KRT36: variants seen among roughly 807,000 people sequenced by gnomAD.
The protein encoded by KRT36 is keratin, type I cuticular Ha6.
Under a neutral mutation model 43.0 loss-of-function variants are expected in KRT36, and 41 were observed. The ratio of observed to expected loss-of-function variants is 0.95; its 90% confidence interval spans 0.74 to 1.24. KRT36 has a LOEUF of 1.24. KRT36 is among the 50% of genes most tolerant of loss of function. The probability of loss-of-function intolerance (pLI) is 0.00; values close to 1 mark genes in which losing one functional copy is unlikely to be tolerated. For synonymous variants in KRT36, 277 were observed against 252.9 expected (o/e 1.10, Z -0.90); for missense variants, 627 against 595.3 (o/e 1.05, Z -0.55).
chr17:41,487,213 C>T (rs1331853999), intron 5 of KRT36, 43 bp from the exon 6 acceptor site: 4 of 1,591,426 alleles, frequency 2.5e-6, no homozygotes, highest in Non-Finnish European at 3.4e-6. Context: ...GGGAGGAATC[C>T]CCTGACCCCA....
In KRT36 at chr17:41,486,526, T is replaced by C; in HGVS notation, c.1254A>G (p.Arg418=). The C allele has an allele frequency of 6.2e-7, 1 of 1,604,460 alleles. No individual in the cohort carries two copies. Among genetic ancestry groups the C allele is most frequent in the Non-Finnish European group, 8.5e-7 (1 of 1,175,998 alleles). The change falls in exon 7 of 7, where the codon AGA becomes AGG. Residue 418 remains arginine (R), a synonymous_variant. Coordinates refer to ENST00000328119, the MANE Select transcript of KRT36 (RefSeq NM_003771.5). ...PCATACKPVI[R]VPSVPPVPCV... is the part of the protein sequence containing the mutation. ...AGGGCACCGGGGGGACAGAAGGAACTCTAATAACAGGCTTGCATGCCGTGG... is the reference window on the plus strand; with the variant it reads ...AGGGCACCGGGGGGACAGAAGGAACCCTAATAACAGGCTTGCATGCCGTGG...
chr17:41,488,564 C>T, intron 2 of KRT36, 78 bp downstream of exon 2: 1 of 1,532,720 alleles, frequency 6.5e-7, no homozygotes, highest in Non-Finnish European at 9.0e-7. Flanking sequence ...GCCTTATTCC[C>T]ACATCACCAG....
At position 41,487,672 on chromosome 17, in the gene KRT36, T is replaced by C. The variant is rs369819388; in HGVS notation, c.765A>G (p.Pro255=). Residue 255 remains proline (P), a synonymous_variant, in exon 4 of 7, where the codon CCA becomes CCG. Coordinates refer to ENST00000328119, the MANE Select transcript of KRT36 (RefSeq NM_003771.5). ...RLNVEVDAAP[P]VDLNKILEDM... ...CCTCCAGGATCTTGTTGAGATCCAC[T>C]GGGGGAGCAGCGTCCACCTCCACAT... The C allele has an allele frequency of 1.9e-6, 3 of 1,614,022 alleles. No homozygotes were observed. Among genetic ancestry groups the C allele is most frequent in the Non-Finnish European group, 2.5e-6 (3 of 1,180,004 alleles).
Position 41,486,428 on chromosome 17 carries a change from C to T in KRT36, c.1352G>A (p.Arg451Lys), listed in dbSNP as rs1367979651. Residue 451 changes from arginine (R) to lysine (K), a missense_variant, in exon 7 of 7, where the codon AGA becomes AAA. Coordinates refer to ENST00000328119, the MANE Select transcript of KRT36 (RefSeq NM_003771.5). Reference protein sequence around the residue: ...TQIRTITEEIRDGKVISSREH... With the variant: ...TQIRTITEEIKDGKVISSREH... ...CCTGGAGGAGATGACTTTCCCATCTCTGATCTCCTCGGTGATGGTGCGGAT... is the reference window on the plus strand; with the variant it reads ...CCTGGAGGAGATGACTTTCCCATCTTTGATCTCCTCGGTGATGGTGCGGAT... 1 of 1,614,122 alleles carries T rather than the reference C, an allele frequency of 6.2e-7. No individual in the cohort carries two copies. Among genetic ancestry groups the T allele is most frequent in the South Asian group, 1.1e-5 (1 of 91,080 alleles).
chr17:41,486,608 C>G, intron 6 of KRT36, 37 bp from the exon 7 acceptor site: 1 of 1,461,900 alleles, frequency 6.8e-7, no homozygotes, highest in Non-Finnish European at 9.2e-7. Context: ...CATTTGGCAT[C>G]GGAGCACTGG....
chr17:41,489,502 C>T lies in KRT36; in HGVS notation c.363G>A (p.Leu121=). 2 of 1,614,240 alleles carry T rather than the reference C, an allele frequency of 1.2e-6. No homozygotes were observed. Among genetic ancestry groups the T allele is most frequent in the Non-Finnish European group, 1.7e-6 (2 of 1,180,046 alleles). The change falls in exon 1 of 7, where the codon CTG becomes CTA. Residue 121 remains leucine (L), a synonymous_variant. Transcript: ENST00000328119. Reference sequence around the variant, plus strand: ...CGTACCACTCCTGGATGCGGCTCTCCAGCTCCGCGTTCTCCCGCTCCAGCT... The same window carrying T: ...CGTACCACTCCTGGATGCGGCTCTCTAGCTCCGCGTTCTCCCGCTCCAGCT... The part of the protein sequence containing the change: ...VRQLERENAE[L]ESRIQEWYEF...
chr17:41,488,163 C>G lies in KRT36; in HGVS notation c.699+80G>C, dbSNP rs534719633. On this transcript the variant is annotated intron_variant, in intron 3 of 6. Transcript: ENST00000328119. ...TGCAAGGCCTTTGTATAGTTCCTGC[C>G]GCACAGAAAACTGAAAGCCCAGCAG... 7 of 1,395,442 alleles carry G rather than the reference C, an allele frequency of 5.0e-6. No homozygotes were observed. In the South Asian group the frequency reaches 9.0e-5, roughly 18 times the overall value. The allele number at this position is 1,395,442 out of a possible 1,614,324, so 86.4% of individuals were successfully genotyped here. A position where few individuals can be genotyped will look rare whatever the true frequency, so the allele number is the denominator to read the frequency against.
chr17:41,487,241 G>A, intron 5 of KRT36, 71 bp from the exon 6 acceptor site: 1 of 1,579,360 alleles, frequency 6.3e-7, no homozygotes, highest in Non-Finnish European at 8.6e-7. Flanking sequence ...ACAGCCCTGG[G>A]CATCTGCCTA....
At chr17:41,489,301 A>G in intron 1 of KRT36, 105 bp downstream of exon 1, 1 of 1,267,014 alleles carries the variant, frequency 7.9e-7, no homozygotes, top group Non-Finnish European at 1.1e-6. Context: ...CCCTACCAGG[A>G]GAATTCCCTA....
In KRT36 at chr17:41,488,232, A is replaced by C. The variant is rs1597754886; in HGVS notation, c.699+11T>G. The C allele has an allele frequency of 1.9e-6, 3 of 1,611,898 alleles. No homozygotes were observed. Among genetic ancestry groups the C allele is most frequent in the Non-Finnish European group, 2.5e-6 (3 of 1,178,680 alleles). Reference sequence around the variant, plus strand: ...GGGAAACACTGGGAAGTCACATGGCACCAGCCTCACCTCCTCGTGATTCTT... The same window carrying C: ...GGGAAACACTGGGAAGTCACATGGCCCCAGCCTCACCTCCTCGTGATTCTT... On this transcript the variant is annotated intron_variant, in intron 3 of 6. Coordinates refer to ENST00000328119, the MANE Select transcript of KRT36 (RefSeq NM_003771.5).
Position 41,487,727 on chromosome 17 carries a change from A to G in KRT36, c.710T>C (p.Val237Ala). 1.9e-6 allele frequency: 3 copies of G among 1,611,494 alleles called. No individual in the cohort carries two copies. The highest frequency in any genetic ancestry group is 2.5e-6 in the Non-Finnish European group (3 of 1,178,060). Reference protein sequence around the residue: ...LKKNHEEEVSVLRCQLGDRLN... With the variant: ...LKKNHEEEVSALRCQLGDRLN... ...TCGGTCCCCAAGTTGGCAACGGAGT[A>G]CACTGACTTCCTGCAGAGAGGAGGC... The change falls in exon 4 of 7, where the codon GTA (valine) becomes GCA (alanine). Residue 237 changes from valine to alanine, a missense_variant. Val to Ala is a moderately conservative substitution (Grantham distance 64). Coordinates refer to ENST00000328119, the MANE Select transcript of KRT36 (RefSeq NM_003771.5).
Position 41,489,758 on chromosome 17 carries a change from G to A in KRT36, c.107C>T (p.Ser36Phe). ...ACCGGCGAGACTGGGGACCCTGCAG[G>A]AGCCCACAGAACGGATGGAGGACAC... Reference protein sequence around the residue: ...SRVSSIRSVGSCRVPSLAGAA... With the variant: ...SRVSSIRSVGFCRVPSLAGAA... The change falls in exon 1 of 7, where the codon TCC becomes TTC. Residue 36 changes from serine to phenylalanine, a missense_variant. Physicochemically the swap from Ser to Phe is radical, Grantham distance 155 (BLOSUM62 -2). Transcript: ENST00000328119. 1 of 1,614,014 alleles carries A rather than the reference G, an allele frequency of 6.2e-7. No homozygotes were observed. The highest frequency in any genetic ancestry group is 8.5e-7 in the Non-Finnish European group (1 of 1,179,992).
intron 1 of KRT36, 120 bp downstream of exon 1, chr17:41,489,286 G>T: frequency 9.1e-7 from 1 of 1,101,702 alleles, no homozygotes; most frequent in Non-Finnish European, 1.3e-6. Context: ...AGAGAGAAAA[G>T]TTTGCCCTAC....
At position 41,488,562 on chromosome 17, in the gene KRT36, C is replaced by A. The variant is rs1904471058; in HGVS notation, c.542+80G>T. On this transcript the variant is annotated intron_variant, in intron 2 of 6. Coordinates refer to ENST00000328119, the MANE Select transcript of KRT36 (RefSeq NM_003771.5). ...CCACATTTTCCCATCCAGCCTTATT[C>A]CCACATCACCAGCTCCCAAAGGCAG... is the stretch of plus-strand genomic sequence containing the variant. 5 of 1,526,626 alleles carry A rather than the reference C, an allele frequency of 3.3e-6. No individual in the cohort carries two copies. In the South Asian group the frequency reaches 5.6e-5, roughly 17 times the overall value. The allele number at this position is 1,526,626 out of a possible 1,614,324, so 94.6% of individuals were successfully genotyped here.
chr17:41,489,149 C>T (rs1457181563), intron 1 of KRT36, among the ~76,000 whole-genome samples: 1 of 152,146 alleles, frequency 6.6e-6, no homozygotes, highest in Non-Finnish European at 1.5e-5. Flanking sequence ...GTGCTGTATC[C>T]GGTAGGGGCT....
rs559213506 is a variant in KRT36, at chr17:41,486,459, T to G, written c.1321A>C (p.Thr441Pro). The G allele has an allele frequency of 1.5e-4, 240 of 1,613,942 alleles. No homozygotes were observed. In the South Asian group the frequency reaches 2.5e-3, roughly 17 times the overall value. Residue 441 changes from threonine to proline, a missense_variant, in exon 7 of 7, where the codon ACT becomes CCT. By Grantham distance (38) the Thr-to-Pro change is conservative. Coordinates refer to ENST00000328119, the MANE Select transcript of KRT36 (RefSeq NM_003771.5). ...TCCTCGGTGATGGTGCGGATCTGAG[T>G]GCCAACCTGGGGAGCCGGGGTGCAG... is the stretch of plus-strand genomic sequence containing the variant. Reference protein sequence around the residue: ...VPCTPAPQVGTQIRTITEEIR... With the variant: ...VPCTPAPQVGPQIRTITEEIR...
At chr17:41,487,847 A>G in intron 3 of KRT36, 110 bp from the exon 4 acceptor site, 1 of 1,044,582 alleles carries the variant, frequency 9.6e-7, no homozygotes. Flanking sequence ...GCATAGCATT[A>G]GACAGGATAC....
chr17:41,488,812 C>A, intron 1 of KRT36, 88 bp from the exon 2 acceptor site: 2 of 1,040,738 alleles, frequency 1.9e-6, no homozygotes, highest in South Asian at 1.3e-5. Context: ...AGAGGCCATG[C>A]CACTGTGTAC....
At position 41,487,023 on chromosome 17, in the gene KRT36, A is replaced by T. The variant is rs1271768050; in HGVS notation, c.1135T>A (p.Leu379Ile). The T allele has an allele frequency of 6.2e-7, 1 of 1,614,100 alleles. No homozygotes were observed. ...TCCAGCCGGGCCTTGACGTCCAGTA[A>T]CACCTGGTACTCCTGGTTCTGCCGC... ...LERQNQEYQV[L>I]LDVKARLEGE... The change falls in exon 6 of 7, where the codon TTA becomes ATA. Residue 379 changes from leucine (L) to isoleucine (I), a missense_variant. Transcript: ENST00000328119.
Sources: gnomAD v4.1 joint callset for allele counts (sites outside exome capture counted in the v4.1 genomes callset) on GRCh38, gnomAD v4.1.1 for gene constraint, MANE v1.5 for transcripts, NCBI Gene and HGNC (gene_info 2026-07-23, HGNC 2026-07-21) for gene names.